Variants in NKX3-2 observed in about 807,000 individuals in gnomAD.
NKX3-2 encodes the protein NK3 homeobox 2.
NKX3-2 carries 13 observed loss-of-function variants against 19.4 expected under a neutral mutation model. That is an observed-to-expected ratio of 0.67 (90% CI 0.44 to 1.07). NKX3-2 has a LOEUF of 1.07. Among genes scored for constraint, NKX3-2 ranks in the 50% least tolerant of loss-of-function variants. NKX3-2 has a pLI of 0.00. For synonymous variants in NKX3-2, 269 were observed against 230.5 expected, an observed-to-expected ratio of 1.17 and a Z score of -1.51; for missense variants, 562 against 488.2, an observed-to-expected ratio of 1.15 and a Z score of -1.42.
Position 13,544,264 on chromosome 4 carries a change from A to G in NKX3-2, c.151T>C (p.Cys51Arg), listed in dbSNP as rs747989455. 1.3e-6 allele frequency: 2 copies of G among 1,565,844 alleles called. No individual in the cohort carries two copies. The highest frequency in any genetic ancestry group is 8.6e-7 in the Non-Finnish European group (1 of 1,164,906). ...ASVAAAPAVC[C>R]WRLFGERDAG... Reference sequence around the variant, plus strand: ...TCCCTCTCCCCAAAGAGCCGCCAACAGCAGACAGCGGGAGCCGCGGCCACC... The same window carrying G: ...TCCCTCTCCCCAAAGAGCCGCCAACGGCAGACAGCGGGAGCCGCGGCCACC... The change falls in exon 1 of 2, where the codon TGT becomes CGT. Residue 51 changes from cysteine to arginine, a missense_variant. By Grantham distance (180) the Cys-to-Arg change is radical. Coordinates refer to ENST00000382438, the MANE Select transcript of NKX3-2 (RefSeq NM_001189.4).
chr4:13,542,598 C>T lies in NKX3-2; in HGVS notation c.467-70G>A. 6.4e-7 allele frequency: 1 copy of T among 1,565,794 alleles called. No homozygotes were observed. The highest frequency in any genetic ancestry group is 8.7e-7 in the Non-Finnish European group (1 of 1,152,198). On this transcript the variant is annotated intron_variant, in intron 1 of 1. Transcript: ENST00000382438. The surrounding 1 kb of genome is among the most constrained non-coding windows in gnomAD (Gnocchi z 6.4). ...CAGACGAGGTGAGGCCGGGCCTCAACTGCAGGGGTCACGGGAGTGGGGCGG... is the reference window on the plus strand; with the variant it reads ...CAGACGAGGTGAGGCCGGGCCTCAATTGCAGGGGTCACGGGAGTGGGGCGG...
At position 13,543,688 on chromosome 4, in the gene NKX3-2, C is replaced by T. The variant is rs1718043791; in HGVS notation, c.466+261G>A. Among the ~76,000 whole-genome samples the T allele has an allele frequency of 6.6e-6, 1 of 152,236 alleles. No individual in the cohort carries two copies. The highest frequency in any genetic ancestry group is 6.5e-5 in the Admixed American group (1 of 15,288). On this transcript the variant is annotated intron_variant, in intron 1 of 1. Transcript: ENST00000382438. This position sits in a 1 kb window ranked among gnomAD's most constrained non-coding sequence, Gnocchi z 7.1. ...CGAACGCAAGGGGCAGCGGTTCTCC[C>T]AACCCAGTCTAATGCACATTGGCCC...
Position 13,544,097 on chromosome 4 carries a change from G to A in NKX3-2, c.318C>T (p.Arg106=). The change falls in exon 1 of 2, where the codon CGC becomes CGT. Residue 106 remains arginine, a synonymous_variant. Coordinates refer to ENST00000382438, the MANE Select transcript of NKX3-2 (RefSeq NM_001189.4). Reference sequence around the variant, plus strand: ...CGCTGGCCCCCCGCGCGTCCGCGCAGCGCCGCCTGCTCTCGTTCTCCTCGC... The same window carrying A: ...CGCTGGCCCCCCGCGCGTCCGCGCAACGCCGCCTGCTCTCGTTCTCCTCGC... The part of the protein sequence containing the change: ...ALSEENESRR[R]CADARGASGA... 1 of 1,591,962 alleles carries A rather than the reference G, an allele frequency of 6.3e-7. No homozygotes were observed. Among genetic ancestry groups the A allele is most frequent in the Non-Finnish European group, 8.5e-7 (1 of 1,171,974 alleles).
Position 13,541,798 on chromosome 4 carries a change from T to C in NKX3-2, c.*195A>G. On this transcript the variant is annotated 3_prime_UTR_variant, in exon 2 of 2. Transcript: ENST00000382438. ...GGCCATAGGGTGCCTCTGTTCAAAT[T>C]AGAAAAAGGCGCCCCCTCAGGGCAG... 12 of 795,942 alleles carry C rather than the reference T, an allele frequency of 1.5e-5. No individual in the cohort carries two copies. The highest frequency in any genetic ancestry group is 2.8e-5 in the East Asian group (1 of 35,876). 49.3% of individuals were successfully genotyped at this position (795,942 alleles called of 1,614,324 possible).
At position 13,542,391 on chromosome 4, in the gene NKX3-2, G is replaced by T; in HGVS notation, c.604C>A (p.Pro202Thr). 6.6e-7 allele frequency: 1 copy of T among 1,505,878 alleles called. No individual in the cohort carries two copies. Among genetic ancestry groups the T allele is most frequent in the Non-Finnish European group, 8.8e-7 (1 of 1,134,386 alleles). The allele number at this position is 1,505,878 out of a possible 1,614,324, so 93.3% of individuals were successfully genotyped here. The change falls in exon 2 of 2, where the codon CCC (proline) becomes ACC (threonine). Residue 202 changes from proline to threonine, a missense_variant. By Grantham distance (38) the Pro-to-Thr change is conservative (BLOSUM62 -1). Coordinates refer to ENST00000382438, the MANE Select transcript of NKX3-2 (RefSeq NM_001189.4). The surrounding 1 kb of genome is among the most constrained non-coding windows in gnomAD (Gnocchi z 6.4). ...VAEEEEEPAA[P>T]KPRKKRSRAA... ...CGCGAGCGCTTCTTGCGTGGCTTGG[G>T]CGCCGCCGGCTCCTCCTCCTCCTCC...
chr4:13,544,023 T>C lies in NKX3-2; in HGVS notation c.392A>G (p.Glu131Gly). 1 of 1,565,062 alleles carries C rather than the reference T, an allele frequency of 6.4e-7. No homozygotes were observed. Among genetic ancestry groups the C allele is most frequent in the South Asian group, 1.2e-5 (1 of 83,950 alleles). The change falls in exon 1 of 2, where the codon GAG (glutamate) becomes GGG (glycine). Residue 131 changes from glutamate (E) to glycine (G), a missense_variant. Glu to Gly is a moderately conservative substitution (Grantham distance 98). Coordinates refer to ENST00000382438, the MANE Select transcript of NKX3-2 (RefSeq NM_001189.4). ...CTCTAGGTCTTTGGAAGCGGCCAGC[T>C]CACAGACCGGCTGGCCGAGGCTCAA... ...GSLSLGQPVC[E>G]LAASKDLEEE...
chr4:13,545,165 T>C (rs974808650), upstream of NKX3-2: 43 of 152,526 alleles, frequency 2.8e-4, no homozygotes, highest in African/African-American at 1.0e-3. Flanking sequence ...ACGTTGACTT[T>C]AACAGACAAA....
At position 13,541,901 on chromosome 4, in the gene NKX3-2, C is replaced by G. The variant is rs1010692769; in HGVS notation, c.*92G>C. ...GTTTCACCTCCAGGTGCCTCCTTGG[C>G]GGGGCGCCCCGTGCAGGCTACAGCC... On this transcript the variant is annotated 3_prime_UTR_variant, in exon 2 of 2. Coordinates refer to ENST00000382438, the MANE Select transcript of NKX3-2 (RefSeq NM_001189.4). 2 of 1,511,082 alleles carry G rather than the reference C, an allele frequency of 1.3e-6. No homozygotes were observed. The highest frequency in any genetic ancestry group is 1.8e-6 in the Non-Finnish European group (2 of 1,124,050). The allele number at this position is 1,511,082 out of a possible 1,614,324, so 93.6% of individuals were successfully genotyped here. A position where few individuals can be genotyped will look rare whatever the true frequency, so the allele number is the denominator to read the frequency against.
At chr4:13,546,900 T>C (rs76050566), upstream of NKX3-2, 1,277 of 456,150 alleles carry the variant, frequency 2.8e-3, 13 homozygotes, top group African/African-American at 0.023. Context: ...TTGGCGACTT[T>C]GAGTTGTCGG....
chr4:13,546,512 C>G (rs978873761), upstream of NKX3-2: 1 of 205,686 alleles, frequency 4.9e-6, no homozygotes, highest in East Asian at 1.2e-4. Context: ...AATTACCGTT[C>G]TCCTCACTTC....
In NKX3-2 at chr4:13,544,504, C is replaced by G; in HGVS notation, c.-90G>C. 4 of 952,932 alleles carry G rather than the reference C, an allele frequency of 4.2e-6. No homozygotes were observed. Among genetic ancestry groups the G allele is most frequent in the Non-Finnish European group, 5.5e-6 (4 of 728,644 alleles). The allele number at this position is 952,932 out of a possible 1,614,324, so 59.0% of individuals were successfully genotyped here. ...ACAGAGAGCGCCGGCGGCCGCAGCG[C>G]GAGTGAGCTGGGTGTGCGAGGCCGC... On this transcript the variant is annotated 5_prime_UTR_variant, in exon 1 of 2. Transcript: ENST00000382438.
upstream of NKX3-2, chr4:13,546,612 C>A: frequency 3.0e-6 from 1 of 332,488 alleles, no homozygotes; most frequent in Non-Finnish European, 6.0e-6. Flanking sequence ...TTTGGTGTCC[C>A]GTACAGCGAT....
chr4:13,546,022 C>T (rs1441984088), upstream of NKX3-2: 2 of 152,324 alleles, frequency 1.3e-5, no homozygotes, highest in East Asian at 3.9e-4. Context: ...TCACTGTTTT[C>T]CATAAACTTT....
rs1245513011 is a variant in NKX3-2, at chr4:13,544,129, C to T, written c.286G>A (p.Ala96Thr). The change falls in exon 1 of 2, where the codon GCG (alanine) becomes ACG (threonine). Residue 96 changes from alanine to threonine, a missense_variant. Ala to Thr is a moderately conservative substitution (Grantham distance 58, BLOSUM62 0). Coordinates refer to ENST00000382438, the MANE Select transcript of NKX3-2 (RefSeq NM_001189.4). ...CTGCTCTCGTTCTCCTCGCTGAGCGCGGAGTCCGAGTCCCAGCCTTCCGGG... is the reference window on the plus strand; with the variant it reads ...CTGCTCTCGTTCTCCTCGCTGAGCGTGGAGTCCGAGTCCCAGCCTTCCGGG... ...ESPEGWDSDS[A>T]LSEENESRRR... The T allele has an allele frequency of 1.9e-6, 3 of 1,604,474 alleles. No homozygotes were observed. The highest frequency in any genetic ancestry group is 1.7e-6 in the Non-Finnish European group (2 of 1,177,922).
upstream of NKX3-2, chr4:13,547,358 A>T (rs935850207): frequency 7.5e-6 from 3 of 398,080 alleles, no homozygotes; most frequent in Non-Finnish European, 1.0e-5. Context: ...AGCTCCAGGA[A>T]CTCTGCAACC....
Position 13,544,081 on chromosome 4 carries a change from C to T in NKX3-2, c.334G>A (p.Gly112Arg), listed in dbSNP as rs772550266. The T allele has an allele frequency of 1.9e-6, 3 of 1,583,300 alleles. No individual in the cohort carries two copies. The African/African-American group carries it at 4.1e-5, about 22-fold the overall frequency. Residue 112 changes from glycine to arginine, a missense_variant, in exon 1 of 2, where the codon GGG becomes AGG. Physicochemically the swap from Gly to Arg is moderately radical, Grantham distance 125 (BLOSUM62 -2). Coordinates refer to ENST00000382438, the MANE Select transcript of NKX3-2 (RefSeq NM_001189.4). Reference protein sequence around the residue: ...ESRRRCADARGASGAGLAGGS... With the variant: ...ESRRRCADARRASGAGLAGGS... ...CCCGCAAGGCCGGCCCCGCTGGCCC[C>T]CCGCGCGTCCGCGCAGCGCCGCCTG...
rs150254921 is a variant in NKX3-2 at position 13,543,228 on chromosome 4, C to T, written c.467-700G>A. ...GAAGAACTCCAGCAGAAAGGTCCAG[C>T]GGTCCCCTGTGCTTGAGGCCTACAG... On this transcript the variant is annotated intron_variant, in intron 1 of 1. Transcript: ENST00000382438. The surrounding 1 kb of genome is among the most constrained non-coding windows in gnomAD (Gnocchi z 7.1). Among the ~76,000 whole-genome samples the T allele has an allele frequency of 6.6e-6, 1 of 152,182 alleles. No homozygotes were observed. The highest frequency in any genetic ancestry group is 1.9e-4 in the East Asian group (1 of 5,140).
rs1718019242 is a variant in NKX3-2 at position 13,542,621 on chromosome 4, C to T, written c.467-93G>A. 2 of 1,480,046 alleles carry T rather than the reference C, an allele frequency of 1.4e-6. No homozygotes were observed. The highest frequency in any genetic ancestry group is 1.4e-5 in the African/African-American group (1 of 72,598). The allele number at this position is 1,480,046 out of a possible 1,614,324, so 91.7% of individuals were successfully genotyped here. A position where few individuals can be genotyped will look rare whatever the true frequency, so the allele number is the denominator to read the frequency against. ...AACTGCAGGGGTCACGGGAGTGGGG[C>T]GGAAATACACTTTGATCCCACTCAA... On this transcript the variant is annotated intron_variant, in intron 1 of 1. Transcript: ENST00000382438. The surrounding 1 kb of genome is among the most constrained non-coding windows in gnomAD (Gnocchi z 6.4).
chr4:13,543,150 A>G lies in NKX3-2; in HGVS notation c.467-622T>C, dbSNP rs958887936. On this transcript the variant is annotated intron_variant, in intron 1 of 1. Coordinates refer to ENST00000382438, the MANE Select transcript of NKX3-2 (RefSeq NM_001189.4). The surrounding 1 kb of genome is among the most constrained non-coding windows in gnomAD (Gnocchi z 7.1). ...AAGAGGGAGGGTTGCCCCTGCATCG[A>G]GTTTTTGGACCCTGATCCCACACCA... Among the ~76,000 whole-genome samples, 1 of 151,928 alleles carries G rather than the reference A, an allele frequency of 6.6e-6. No individual in the cohort carries two copies. The highest frequency in any genetic ancestry group is 1.5e-5 in the Non-Finnish European group (1 of 67,992).
Sources: gnomAD v4.1 joint callset for allele counts (sites outside exome capture counted in the v4.1 genomes callset) on GRCh38, gnomAD v4.1.1 for gene constraint, Gnocchi (gnomAD v3.1) non-coding constraint, MANE v1.5 for transcripts, NCBI Gene and HGNC (gene_info 2026-07-23, HGNC 2026-07-21) for gene names.